The following SUN1 variants were observed in gnomAD, a reference collection of about 807,000 sequenced individuals.
SUN1 encodes Sad1 and UNC84 domain containing 1, also known as SUN domain-containing protein 1.
In SUN1, 61 loss-of-function variants were observed where a neutral mutation model predicts 103.2. That is an observed-to-expected ratio of 0.59 (90% CI 0.48 to 0.73). The LOEUF is 0.73. Among genes scored for constraint, SUN1 ranks in the 30% least tolerant of loss-of-function variants. SUN1 has a pLI of 0.00. For missense variants in SUN1, 1,052 were observed against 1,034.6 expected, an observed-to-expected ratio of 1.02 and a Z score of -0.23; for synonymous variants, 490 against 425.7, an observed-to-expected ratio of 1.15 and a Z score of -1.86.
In SUN1 at chr7:851,373, TC is replaced by T; in HGVS notation, c.659-8del. 6.3e-7 allele frequency: 1 copy of T among 1,584,460 alleles called. No homozygotes were observed. Among genetic ancestry groups the T allele is most frequent in the South Asian group, 1.2e-5 (1 of 86,814 alleles). On this transcript the variant is annotated splice_polypyrimidine_tract_variant and intron_variant, in intron 5 of 18. Coordinates refer to ENST00000401592, the MANE Select transcript of SUN1 (RefSeq NM_001130965.3). The stretch of plus-strand genomic sequence containing the variant: ...CGTCTGTCTGAGGCCACACACGTCT[TC>T]CCTGCACAGGTTACTTCTTGCTGCA...
intron 1 of SUN1, chr7:832,867 G>A (rs920639351): frequency 1.0e-4 from 46 of 454,030 alleles, no homozygotes; most frequent in Non-Finnish European, 1.8e-4. Context: ...TGGTTGTGAT[G>A]TTGAGAAGAT....
chr7:826,073 T>C (rs1791524894), intron 1 of SUN1, among the ~76,000 whole-genome samples: 1 of 151,958 alleles, frequency 6.6e-6, no homozygotes, highest in Non-Finnish European at 1.5e-5. Flanking sequence ...ACCCTGTCTC[T>C]AAGAAAATAA....
At chr7:829,556 T>G (rs1379168662), upstream of SUN1, among the ~76,000 whole-genome samples, 3 of 150,854 alleles carry the variant, frequency 2.0e-5, no homozygotes, top group Admixed American at 6.6e-5. Context: ...TGGTTTTTTT[T>G]TTTGTTTTTT....
intron 1 of SUN1, among the ~76,000 whole-genome samples, chr7:820,901 TGC>T (rs1219275239): frequency 6.6e-6 from 1 of 152,170 alleles, no homozygotes; most frequent in East Asian, 1.9e-4. Context: ...TGTAAACTAG[TGC>T]CACTATTTTT....
Position 860,243 on chromosome 7 carries a change from T to C in SUN1, c.1640T>C (p.Leu547Ser). ...FSSQFVSKGDLQTMLRDLQLQ... is the reference protein window; with the variant it reads ...FSSQFVSKGDSQTMLRDLQLQ... ...TCACAGTTTGTGAGCAAAGGCGACT[T>C]GCAGACGATGCTGCGAGACCTGCAG... Residue 547 changes from leucine (L) to serine (S), a missense_variant, in exon 14 of 19, where the codon TTG becomes TCG. Coordinates refer to ENST00000401592, the MANE Select transcript of SUN1 (RefSeq NM_001130965.3). The C allele has an allele frequency of 1.2e-6, 2 of 1,614,244 alleles. No individual in the cohort carries two copies. Among genetic ancestry groups the C allele is most frequent in the Non-Finnish European group, 8.5e-7 (1 of 1,180,046 alleles).
rs79450102 is a variant in SUN1, at chr7:873,595, G to A, written c.*264G>A. 1.0e-5 allele frequency: 4 copies of A among 393,194 alleles called. No homozygotes were observed. The highest frequency in any genetic ancestry group is 2.1e-5 in the African/African-American group (1 of 48,722). 24.4% of individuals were successfully genotyped at this position (393,194 alleles called of 1,614,324 possible). Reference sequence around the variant, plus strand: ...CTCTCAGACACTCCTTGTTTTTAACGGGAAGCTCTTTGCATTTGCATTTCC... The same window carrying A: ...CTCTCAGACACTCCTTGTTTTTAACAGGAAGCTCTTTGCATTTGCATTTCC... On this transcript the variant is annotated 3_prime_UTR_variant, in exon 19 of 19. Coordinates refer to ENST00000401592, the MANE Select transcript of SUN1 (RefSeq NM_001130965.3).
rs77148554 is a variant in SUN1 at position 861,999 on chromosome 7, G to A, written c.1864+535G>A. Among the ~76,000 whole-genome samples, 1,112 of 152,288 alleles carry A rather than the reference G, an allele frequency of 7.3e-3. 22 individuals are homozygous for A. Among genetic ancestry groups the A allele is most frequent in the Admixed American group, 0.039 (595 of 15,304 alleles). ...GCAGATGCATTTGAAAATCAGCATC[G>A]CAGCTGAGGAAAGTCCTGGGGTCCA... On this transcript the variant is annotated intron_variant, in intron 15 of 18. Transcript: ENST00000401592.
upstream of SUN1, among the ~76,000 whole-genome samples, chr7:829,264 G>A (rs1211586082): frequency 7.2e-5 from 11 of 152,232 alleles, no homozygotes. Flanking sequence ...CTCTTCACAT[G>A]GGAAGGCTCT....
intron 12 of SUN1, among the ~76,000 whole-genome samples, chr7:857,347 G>A (rs746544479): frequency 3.3e-5 from 5 of 152,160 alleles, no homozygotes; most frequent in African/African-American, 4.8e-5. Flanking sequence ...GTGTTAATAT[G>A]TCAATCCTAA....
upstream of SUN1, among the ~76,000 whole-genome samples, chr7:828,607 G>C (rs1309195632): frequency 6.6e-6 from 1 of 152,134 alleles, no homozygotes; most frequent in Non-Finnish European, 1.5e-5. Flanking sequence ...TAAGCCGTAG[G>C]TTTGAAACCA....
intron 5 of SUN1, among the ~76,000 whole-genome samples, chr7:845,964 C>G (rs969955588): frequency 1.3e-5 from 2 of 152,152 alleles, no homozygotes; most frequent in African/African-American, 4.8e-5. Flanking sequence ...TCCCGGGGTT[C>G]TCCTAGGCAC....
intron 14 of SUN1, 49 bp from the exon 15 acceptor site, chr7:861,331 C>G (rs1425247176): frequency 1.7e-5 from 28 of 1,600,782 alleles, no homozygotes; most frequent in Non-Finnish European, 2.2e-5. Context: ...ACCCACGTCT[C>G]TCCTCTCCTG....
rs917847513 is a variant in SUN1 at position 843,789 on chromosome 7, C to G, written c.658+269C>G. On this transcript the variant is annotated intron_variant, in intron 5 of 18. Transcript: ENST00000401592. ...AAAGAAAATTTCTACGTAAGCGAAACTAATAAAACTACAGTCACTTTCAGA... is the reference window on the plus strand; with the variant it reads ...AAAGAAAATTTCTACGTAAGCGAAAGTAATAAAACTACAGTCACTTTCAGA... 2.1e-6 allele frequency: 3 copies of G among 1,420,764 alleles called. No homozygotes were observed. The African/African-American group carries it at 4.3e-5, about 20-fold the overall frequency. The allele number at this position is 1,420,764 out of a possible 1,614,324, so 88.0% of individuals were successfully genotyped here.
At chr7:833,835 C>T (rs1800239388) in intron 1 of SUN1, among the ~76,000 whole-genome samples, 1 of 147,170 alleles carries the variant, frequency 6.8e-6, no homozygotes, top group Non-Finnish European at 1.5e-5. Flanking sequence ...TCAGGGGAGA[C>T]TGCTGCTTCC....
In SUN1 at chr7:851,469, C is replaced by T. The variant is rs776155785; in HGVS notation, c.744C>T (p.Ala248=). 5 of 1,606,320 alleles carry T rather than the reference C, an allele frequency of 3.1e-6. No homozygotes were observed. The highest frequency in any genetic ancestry group is 2.2e-5 in the East Asian group (1 of 44,672). The part of the protein sequence containing the change: ...SRTAWSALWL[A]VVAPGKAASG... ...CGGCGTGGTCGGCCCTTTGGCTGGCCGTGGTTGCTCCAGGTGGCTATTTTG... is the reference window on the plus strand; with the variant it reads ...CGGCGTGGTCGGCCCTTTGGCTGGCTGTGGTTGCTCCAGGTGGCTATTTTG... The change falls in exon 6 of 19, where the codon GCC becomes GCT. Residue 248 remains alanine, a synonymous_variant. Coordinates refer to ENST00000401592, the MANE Select transcript of SUN1 (RefSeq NM_001130965.3).
chr7:852,587 AG>A (rs766426697), intron 7 of SUN1, 21 bp from the exon 8 acceptor site: 10 of 1,613,974 alleles, frequency 6.2e-6, no homozygotes. Flanking sequence ...TCTAAGTCAA[AG>A]GTTTTCATTG....
upstream of SUN1, chr7:831,042 G>T (rs777963387): frequency 1.6e-5 from 16 of 984,158 alleles, no homozygotes; most frequent in Non-Finnish European, 1.8e-5. Context: ...CGTGTGGGTT[G>T]AATCTAGATT....
chr7:817,299 T>C (rs1781603471), intron 1 of SUN1: 1 of 875,914 alleles, frequency 1.1e-6, no homozygotes, highest in Non-Finnish European at 1.8e-6. Context: ...CTCTCCATGC[T>C]GCCCAGGTCG....
intron 1 of SUN1, among the ~76,000 whole-genome samples, chr7:818,619 CTG>C (rs889746256): frequency 5.9e-5 from 9 of 152,194 alleles, no homozygotes; most frequent in Non-Finnish European, 1.2e-4. Flanking sequence ...AACTGCCAAA[CTG>C]TTTTTCACAG....
Sources: gnomAD v4.1 joint callset for allele counts (sites outside exome capture counted in the v4.1 genomes callset) on GRCh38, gnomAD v4.1.1 for gene constraint, MANE v1.5 for transcripts, NCBI Gene and HGNC (gene_info 2026-07-23, HGNC 2026-07-21) for gene names.